MED13L: variants seen among roughly 807,000 people sequenced by gnomAD.
The protein encoded by MED13L is mediator complex subunit 13L, also known as mediator of RNA polymerase II transcription subunit 13-like.
MED13L carries 7 observed loss-of-function variants against 220.9 expected under a neutral mutation model. The observed-to-expected ratio is 0.03, with a 90% CI of 0.02 to 0.06. MED13L has a LOEUF of 0.06. Ranked by LOEUF, MED13L falls within the 10% of genes least tolerant of loss-of-function variation. MED13L has a pLI of 1.00. For synonymous variants in MED13L, 1,011 were observed against 1,015.2 expected (o/e 1.00, Z 0.08); for missense variants, 1,965 against 2,760.5 (o/e 0.71, Z 6.46).
chr12:116,039,879 G>A (rs965217707), intron 4 of MED13L, among the ~76,000 whole-genome samples: 1 of 152,136 alleles, frequency 6.6e-6, no homozygotes, highest in African/African-American at 2.4e-5. Context: ...AGGTCGGGGC[G>A]AGATACCACC....
At chr12:116,206,378 T>C (rs1882330911) in intron 2 of MED13L, among the ~76,000 whole-genome samples, 1 of 152,188 alleles carries the variant, frequency 6.6e-6, no homozygotes, top group Non-Finnish European at 1.5e-5. Context: ...ATCTAAAACC[T>C]TACCTTAAGC....
Position 115,983,197 on chromosome 12 carries a change from T to A in MED13L, c.4875A>T (p.Arg1625Ser). 1 of 1,614,158 alleles carries A rather than the reference T, an allele frequency of 6.2e-7. No homozygotes were observed. The highest frequency in any genetic ancestry group is 1.1e-5 in the South Asian group (1 of 91,070). The stretch of plus-strand genomic sequence containing the variant: ...CACCACAGCCTATGTTCCCTTGCGT[T>A]CTATCCGCAGAAATGCCCCCAGTGC... ...NPSTGGISAD[R>S]TQGNIGCGGD... The change falls in exon 21 of 31, where the codon AGA (arginine) becomes AGT (serine). Residue 1625 changes from arginine to serine, a missense_variant. Transcript: ENST00000281928.
At chr12:116,194,417 C>T (rs999139805) in intron 2 of MED13L, among the ~76,000 whole-genome samples, 3 of 152,028 alleles carry the variant, frequency 2.0e-5, no homozygotes, top group South Asian at 2.1e-4. Context: ...CACCCACCTC[C>T]GCCTCCCAAA....
intron 2 of MED13L, among the ~76,000 whole-genome samples, chr12:116,207,615 T>C (rs1818056): frequency 0.56 from 85,737 of 151,872 alleles, 24,532 homozygotes; most frequent in South Asian, 0.72. Flanking sequence ...TGTATTTATA[T>C]CATGGGATAA....
At chr12:116,098,073 C>T (rs1872759194) in intron 3 of MED13L, among the ~76,000 whole-genome samples, 1 of 152,034 alleles carries the variant, frequency 6.6e-6, no homozygotes, top group South Asian at 2.1e-4. Context: ...GGTCAAACCC[C>T]GTTTCTACTA....
chr12:116,173,038 T>C (rs941263789), intron 2 of MED13L, among the ~76,000 whole-genome samples: 2 of 138,956 alleles, frequency 1.4e-5, no homozygotes, highest in Admixed American at 1.5e-4. Context: ...TACTGTGAAA[T>C]AACAGATCAG....
intron 4 of MED13L, among the ~76,000 whole-genome samples, chr12:116,073,411 A>G (rs565964129): frequency 4.7e-4 from 72 of 152,286 alleles, no homozygotes; most frequent in African/African-American, 1.6e-3. Context: ...CACCATCCCA[A>G]TGGACTCAAT....
intron 4 of MED13L, among the ~76,000 whole-genome samples, chr12:116,061,507 T>C (rs1052291244): frequency 1.2e-4 from 18 of 152,150 alleles, no homozygotes; most frequent in African/African-American, 4.3e-4. Flanking sequence ...TAATAATGCC[T>C]ACCTCATAGA....
At chr12:115,996,715 G>T (rs771370155) in intron 15 of MED13L, 34 bp from the exon 16 acceptor site, 4 of 1,560,148 alleles carry the variant, frequency 2.6e-6, no homozygotes, top group Non-Finnish European at 3.5e-6. Context: ...TGTTAATATT[G>T]GTAAACTCTG....
At chr12:115,985,212 C>T (rs1877604747) in intron 19 of MED13L, among the ~76,000 whole-genome samples, 1 of 152,140 alleles carries the variant, frequency 6.6e-6, no homozygotes, top group Non-Finnish European at 1.5e-5. Context: ...TTGAAGGTTC[C>T]ATTCAAGGAA....
intron 4 of MED13L, among the ~76,000 whole-genome samples, chr12:116,082,399 A>G (rs563819377): frequency 2.2e-4 from 34 of 152,316 alleles, no homozygotes; most frequent in Non-Finnish European, 1.5e-5. Context: ...AAAAATATAT[A>G]GAAGTGTTGG....
chr12:115,968,942 G>A lies in MED13L; in HGVS notation c.6223C>T (p.Arg2075Trp). ...AACGTACTCCAAATCATCCTTACCCGACTATGCTGGAAGTGAGAGCCCACA... is the reference window on the plus strand; with the variant it reads ...AACGTACTCCAAATCATCCTTACCCAACTATGCTGGAAGTGAGAGCCCACA... Reference protein sequence around the residue: ...IGVGSHFQHSRSQGERLLSRE... With the variant: ...IGVGSHFQHSWSQGERLLSRE... Residue 2075 changes from arginine to tryptophan, a missense_variant and splice_region_variant, in exon 28 of 31, where the codon CGG becomes TGG. Arg to Trp is a moderately radical substitution (Grantham distance 101, BLOSUM62 -3). This residue lies in a region of MED13L where 145 missense variants were observed against 328.3 expected (regional missense o/e 0.44). Transcript: ENST00000281928. 3 of 1,613,936 alleles carry A rather than the reference G, an allele frequency of 1.9e-6. No homozygotes were observed. The highest frequency in any genetic ancestry group is 2.5e-6 in the Non-Finnish European group (3 of 1,179,936).
chr12:116,034,597 C>T (rs1881059915), intron 4 of MED13L, among the ~76,000 whole-genome samples: 1 of 152,194 alleles, frequency 6.6e-6, no homozygotes, highest in Non-Finnish European at 1.5e-5. Flanking sequence ...AGAAAGGTGA[C>T]TAGCATAGCA....
chr12:115,966,283 C>T (rs1237165196), intron 28 of MED13L, 40 bp from the exon 29 acceptor site: 3 of 1,611,868 alleles, frequency 1.9e-6, no homozygotes, highest in Non-Finnish European at 2.5e-6. Context: ...CAGCATTTAT[C>T]TTAAAGCTTG....
intron 2 of MED13L, among the ~76,000 whole-genome samples, chr12:116,204,326 G>T (rs1882184208): frequency 1.3e-5 from 2 of 152,224 alleles, no homozygotes; most frequent in Admixed American, 1.3e-4. Context: ...GTCAGGAGCT[G>T]CCAGACGTAA....
At position 116,006,359 on chromosome 12, in the gene MED13L, G is replaced by A. The variant is rs1261913899; in HGVS notation, c.2291C>T (p.Pro764Leu). The A allele has an allele frequency of 1.9e-6, 3 of 1,613,888 alleles. No individual in the cohort carries two copies. The highest frequency in any genetic ancestry group is 1.3e-5 in the African/African-American group (1 of 74,914). ...KDVTTPGHSTPVPDGKNAMSI... is the reference protein window; with the variant it reads ...KDVTTPGHSTLVPDGKNAMSI... ...CATGGCATTTTTCCCATCAGGCACC[G>A]GCGTGGAATGACCTGGTGTAGTGAC... The change falls in exon 12 of 31, where the codon CCG (proline) becomes CTG (leucine). Residue 764 changes from proline (P) to leucine (L), a missense_variant. By Grantham distance (98) the Pro-to-Leu change is moderately conservative. Transcript: ENST00000281928.
chr12:116,096,784 A>G (rs750077031), intron 3 of MED13L, 32 bp from the exon 4 acceptor site: 1 of 1,534,076 alleles, frequency 6.5e-7, no homozygotes, highest in Non-Finnish European at 9.0e-7. Flanking sequence ...TTACTTTTAT[A>G]GTATCAGTAA....
intron 2 of MED13L, among the ~76,000 whole-genome samples, chr12:116,125,065 A>G (rs1379509588): frequency 6.6e-6 from 1 of 152,262 alleles, no homozygotes; most frequent in African/African-American, 2.4e-5. Context: ...GCTACAAAAT[A>G]AAACAATTTG....
chr12:116,234,722 A>C (rs963287136), intron 2 of MED13L, among the ~76,000 whole-genome samples: 1 of 152,130 alleles, frequency 6.6e-6, no homozygotes, highest in African/African-American at 2.4e-5. Flanking sequence ...CAGTGGCATT[A>C]TCTCTGCTCA....
Sources: allele counts gnomAD v4.1 joint callset (sites outside exome capture counted in the v4.1 genomes callset), GRCh38; gene constraint gnomAD v4.1.1; regional missense constraint gnomAD v4.1.1; transcripts MANE v1.5; gene names NCBI Gene and HGNC (gene_info 2026-07-23, HGNC 2026-07-21).